The following LRFN2 variants were observed in gnomAD, a reference collection of about 807,000 sequenced individuals.
LRFN2 encodes the protein leucine rich repeat and fibronectin type III domain containing 2.
In LRFN2, 18 loss-of-function variants were observed where a neutral mutation model predicts 37.3. That is an observed-to-expected ratio of 0.48 (90% CI 0.33 to 0.72). LRFN2 has a LOEUF of 0.72. LRFN2 is among the 30% of genes least tolerant of loss of function. LRFN2 has a pLI of 0.02. For synonymous variants in LRFN2, 556 were observed against 466.6 expected, an observed-to-expected ratio of 1.19 and a Z score of -2.47; for missense variants, 1,006 against 1,060.7, an observed-to-expected ratio of 0.95 and a Z score of 0.72.
chr6:40,414,158 T>G (rs1690015325), intron 2 of LRFN2, among the ~76,000 whole-genome samples: 2 of 151,956 alleles, frequency 1.3e-5, no homozygotes, highest in Admixed American at 1.3e-4. Context: ...TTACATACCC[T>G]CTCTTCTCCC....
rs1023921507 is a variant in LRFN2, at chr6:40,392,555, A to G, written c.1758T>C (p.Pro586=). ...GGGCCCCGGCTGGTGCGCTGCTTGGAGGCGGTGGCTGGGCGCCGTTGGTCT... is the reference window on the plus strand; with the variant it reads ...GGGCCCCGGCTGGTGCGCTGCTTGGGGGCGGTGGCTGGGCGCCGTTGGTCT... ...YSQTNGAQPP[P]PSSAPAGAPP... Residue 586 remains proline (P), a synonymous_variant, in exon 3 of 3, where the codon CCT becomes CCC. Coordinates refer to ENST00000338305, the MANE Select transcript of LRFN2 (RefSeq NM_020737.3). The surrounding 1 kb of genome is among the most constrained non-coding windows in gnomAD (Gnocchi z 4.7). 6.3e-7 allele frequency: 1 copy of G among 1,598,388 alleles called. No homozygotes were observed. The highest frequency in any genetic ancestry group is 8.5e-7 in the Non-Finnish European group (1 of 1,176,126).
chr6:40,511,663 T>C (rs1168741020), intron 1 of LRFN2, among the ~76,000 whole-genome samples: 2 of 151,934 alleles, frequency 1.3e-5, no homozygotes, highest in Non-Finnish European at 2.9e-5. Context: ...CCAGGAAGCA[T>C]GTGGGCCAAA....
At chr6:40,467,790 G>A (rs1581728519) in intron 1 of LRFN2, among the ~76,000 whole-genome samples, 2 of 152,020 alleles carry the variant, frequency 1.3e-5, no homozygotes, top group Admixed American at 1.3e-4. Context: ...CTTACTCAAC[G>A]GAGAGAAACA....
chr6:40,498,886 C>A (rs1765302091), intron 1 of LRFN2, among the ~76,000 whole-genome samples: 1 of 152,184 alleles, frequency 6.6e-6, no homozygotes, highest in South Asian at 2.1e-4. Flanking sequence ...TTATTGAGCA[C>A]CTGCTACATT....
chr6:40,576,634 T>A (rs1031760787), intron 1 of LRFN2, among the ~76,000 whole-genome samples: 3 of 152,122 alleles, frequency 2.0e-5, no homozygotes, highest in Non-Finnish European at 4.4e-5. Flanking sequence ...TGCCTCCCAA[T>A]TATGCACCAA....
rs751826428 is a variant in LRFN2 at position 40,392,070 on chromosome 6, A to G, written c.2243T>C (p.Val748Ala). ...GCTGCGCTTCGTCCAGATGTTCGAG[A>G]CCTTCCGAGGAGGACTGTAGCCGCC... ...VPGGYSPPRK[V>A]SNIWTKRSLS... Residue 748 changes from valine (V) to alanine (A), a missense_variant, in exon 3 of 3, where the codon GTC (valine) becomes GCC (alanine). Val to Ala is a moderately conservative substitution (Grantham distance 64, BLOSUM62 0). This residue lies in a region of LRFN2 where 398 missense variants were observed against 327.6 expected (regional missense o/e 1.21). Coordinates refer to ENST00000338305, the MANE Select transcript of LRFN2 (RefSeq NM_020737.3). This position sits in a 1 kb window ranked among gnomAD's most constrained non-coding sequence, Gnocchi z 4.7. 6.2e-7 allele frequency: 1 copy of G among 1,613,892 alleles called. No homozygotes were observed. Among genetic ancestry groups the G allele is most frequent in the Non-Finnish European group, 8.5e-7 (1 of 1,179,960 alleles).
intron 1 of LRFN2, among the ~76,000 whole-genome samples, chr6:40,455,958 G>A (rs766187177): frequency 3.3e-5 from 5 of 152,194 alleles, no homozygotes; most frequent in Admixed American, 6.5e-5. Context: ...TGGGAGAGAT[G>A]TTTCTCTTTC....
intron 1 of LRFN2, among the ~76,000 whole-genome samples, chr6:40,503,237 G>T (rs1243936916): frequency 2.0e-5 from 3 of 152,138 alleles, no homozygotes; most frequent in Admixed American, 2.0e-4. Context: ...TTAGAGTTTT[G>T]GTGTGGAAAT....
chr6:40,508,601 A>G (rs1765607420), intron 1 of LRFN2, among the ~76,000 whole-genome samples: 1 of 152,212 alleles, frequency 6.6e-6, no homozygotes, highest in Non-Finnish European at 1.5e-5. Flanking sequence ...CGAGCAAGGT[A>G]CTTTACTCCT....
intron 1 of LRFN2, among the ~76,000 whole-genome samples, chr6:40,556,654 C>T (rs894757532): frequency 1.5e-4 from 18 of 118,896 alleles, no homozygotes; most frequent in Non-Finnish European, 2.6e-4. Flanking sequence ...TGAATTAGAA[C>T]CAGGTCTCTC....
chr6:40,565,116 C>T (rs988119195), intron 1 of LRFN2, among the ~76,000 whole-genome samples: 1 of 152,210 alleles, frequency 6.6e-6, no homozygotes, highest in Non-Finnish European at 1.5e-5. Flanking sequence ...CCAGGACCAT[C>T]TAGCAGAGGA....
intron 1 of LRFN2, among the ~76,000 whole-genome samples, chr6:40,549,028 A>G (rs1156230022): frequency 6.6e-6 from 1 of 152,186 alleles, no homozygotes; most frequent in East Asian, 1.9e-4. Context: ...TGGTAACAGA[A>G]TTGGGATGCG....
intron 1 of LRFN2, among the ~76,000 whole-genome samples, chr6:40,536,584 G>A (rs761105148): frequency 5.9e-5 from 9 of 152,210 alleles, no homozygotes; most frequent in Non-Finnish European, 1.3e-4. Context: ...CATGGGAAAT[G>A]AGGAGCCTGT....
chr6:40,497,126 C>A (rs1765247193), intron 1 of LRFN2, among the ~76,000 whole-genome samples: 1 of 152,188 alleles, frequency 6.6e-6, no homozygotes, highest in Admixed American at 6.5e-5. Context: ...CAAAGTGACG[C>A]CCTTCTGCAG....
intron 1 of LRFN2, among the ~76,000 whole-genome samples, chr6:40,544,175 G>A (rs778984542): frequency 3.9e-5 from 6 of 152,196 alleles, no homozygotes; most frequent in South Asian, 2.1e-4. Flanking sequence ...TGCTGCGAGC[G>A]CACCAGGCCT....
chr6:40,551,843 A>T (rs955434487), intron 1 of LRFN2, among the ~76,000 whole-genome samples: 2 of 152,244 alleles, frequency 1.3e-5, no homozygotes, highest in African/African-American at 4.8e-5. Context: ...CTGCTCTGAC[A>T]TACCAACATG....
At chr6:40,508,718 T>C (rs1008199501) in intron 1 of LRFN2, among the ~76,000 whole-genome samples, 1 of 152,224 alleles carries the variant, frequency 6.6e-6, no homozygotes, top group Non-Finnish European at 1.5e-5. Flanking sequence ...CATAAAGCTG[T>C]GCTTGGCATG....
At chr6:40,413,344 A>G (rs1350688357) in intron 2 of LRFN2, among the ~76,000 whole-genome samples, 1 of 152,212 alleles carries the variant, frequency 6.6e-6, no homozygotes, top group East Asian at 1.9e-4. Flanking sequence ...CGAGATTCAC[A>G]GTGTCATCCT....
In LRFN2 at chr6:40,392,014, C is replaced by T; in HGVS notation, c.2299G>A (p.Glu767Lys). Reference sequence around the variant, plus strand: ...CGGGCCCCCACCAGGTCACTCTCCTCAAAGGGCAAGAGCATGCCGTTGACA... The same window carrying T: ...CGGGCCCCCACCAGGTCACTCTCCTTAAAGGGCAAGAGCATGCCGTTGACA... ...LSVNGMLLPF[E>K]ESDLVGARGT... The change falls in exon 3 of 3, where the codon GAG becomes AAG. Residue 767 changes from glutamate to lysine, a missense_variant. Transcript: ENST00000338305. This position sits in a 1 kb window ranked among gnomAD's most constrained non-coding sequence, Gnocchi z 4.7. 6.2e-7 allele frequency: 1 copy of T among 1,612,388 alleles called. No homozygotes were observed. The highest frequency in any genetic ancestry group is 8.5e-7 in the Non-Finnish European group (1 of 1,179,186).
Sources: gnomAD v4.1 joint callset for allele counts (sites outside exome capture counted in the v4.1 genomes callset) on GRCh38, gnomAD v4.1.1 for gene constraint, gnomAD v4.1.1 regional missense constraint, Gnocchi (gnomAD v3.1) non-coding constraint, MANE v1.5 for transcripts, NCBI Gene and HGNC (gene_info 2026-07-23, HGNC 2026-07-21) for gene names.